Variants in UBE2Q1 observed in about 807,000 individuals in gnomAD.
UBE2Q1 encodes ubiquitin-conjugating enzyme E2 Q1.
UBE2Q1 carries 6 observed loss-of-function variants against 60.1 expected under a neutral mutation model. The observed-to-expected ratio is 0.10, with a 90% CI of 0.05 to 0.20. The LOEUF is 0.20. Among genes scored for constraint, UBE2Q1 ranks in the 10% least tolerant of loss-of-function variants. The pLI is 1.00. For missense variants in UBE2Q1, 262 were observed against 525.8 expected, an observed-to-expected ratio of 0.50 and a Z score of 4.91; for synonymous variants, 226 against 208.3, an observed-to-expected ratio of 1.09 and a Z score of -0.73.
At chr1:154,554,034 A>G (rs973626479) in intron 4 of UBE2Q1, among the ~76,000 whole-genome samples, 3 of 152,236 alleles carry the variant, frequency 2.0e-5, no homozygotes, top group African/African-American at 7.2e-5. Flanking sequence ...TTACCACACC[A>G]GCAGGTAATG....
In UBE2Q1 at chr1:154,555,607, G is replaced by A. The variant is rs1266092934; in HGVS notation, c.433-75C>T. The A allele has an allele frequency of 3.5e-6, 5 of 1,424,812 alleles. No homozygotes were observed. In the Admixed American group the frequency reaches 5.1e-5, roughly 14 times the overall value. The allele number at this position is 1,424,812 out of a possible 1,614,324, so 88.3% of individuals were successfully genotyped here. A position where few individuals can be genotyped will look rare whatever the true frequency, so the allele number is the denominator to read the frequency against. On this transcript the variant is annotated intron_variant, in intron 2 of 12. Coordinates refer to ENST00000292211, the MANE Select transcript of UBE2Q1 (RefSeq NM_017582.7). ...GGATAAGTGCATGGATGAGCTCTTA[G>A]TTTGGGCCCCACACCAATAACTAGT... is the stretch of plus-strand genomic sequence containing the variant.
In UBE2Q1 at chr1:154,558,308, CCCGGCCCCT is replaced by C. The variant is rs1383589476; in HGVS notation, c.237_245del (p.Gly80_Gly82del). 2.8e-5 allele frequency: 45 copies of C among 1,581,266 alleles called. No homozygotes were observed. The highest frequency in any genetic ancestry group is 3.9e-5 in the Non-Finnish European group (45 of 1,167,424). On this transcript the variant is annotated inframe_deletion, in exon 1 of 13. Transcript: ENST00000292211. ...GATGCGGTCCGGGCGCGGCCCCCGCCCCGGCCCCTCCGGCCCCAGCCAGCAGGAACTCGC... is the reference window on the plus strand; with the variant it reads ...GATGCGGTCCGGGCGCGGCCCCCGCCCCGGCCCCAGCCAGCAGGAACTCGC...
chr1:154,549,505 T>C lies in UBE2Q1; in HGVS notation c.*933A>G, dbSNP rs1695754937. The C allele has an allele frequency of 6.5e-6, 1 of 152,676 alleles. No individual in the cohort carries two copies. Among genetic ancestry groups the C allele is most frequent in the African/African-American group, 2.4e-5 (1 of 41,452 alleles). 9.5% of individuals were successfully genotyped at this position (152,676 alleles called of 1,614,324 possible). On this transcript the variant is annotated 3_prime_UTR_variant, in exon 13 of 13. Coordinates refer to ENST00000292211, the MANE Select transcript of UBE2Q1 (RefSeq NM_017582.7). ...ATCCAGTGCTGGTTAGAAGCCACTT[T>C]CCAGGAGAGGAACCAATGAACAGCG...
chr1:154,554,693 G>T, intron 4 of UBE2Q1, 42 bp downstream of exon 4: 1 of 1,605,462 alleles, frequency 6.2e-7, no homozygotes, highest in Non-Finnish European at 8.5e-7. Flanking sequence ...GTTGCTGACT[G>T]CAAGAGCTTC....
rs140742801 is a variant in UBE2Q1, at chr1:154,552,910, G to A, written c.730-90C>T. The A allele has an allele frequency of 2.1e-3, 3,389 of 1,588,648 alleles. 17 individuals carry two copies. The highest frequency in any genetic ancestry group is 5.6e-3 in the South Asian group (497 of 88,200). On this transcript the variant is annotated intron_variant, in intron 5 of 12. Coordinates refer to ENST00000292211, the MANE Select transcript of UBE2Q1 (RefSeq NM_017582.7). Reference sequence around the variant, plus strand: ...AGGGGCAGTCTGGCAGCTTGCCCAGGATTTAAGAAAGGATTAGGCACAAAA... The same window carrying A: ...AGGGGCAGTCTGGCAGCTTGCCCAGAATTTAAGAAAGGATTAGGCACAAAA...
rs1226768476 is a variant in UBE2Q1 at position 154,554,779 on chromosome 1, G to C, written c.544C>G (p.Gln182Glu). 6.2e-7 allele frequency: 1 copy of C among 1,613,582 alleles called. No homozygotes were observed. Among genetic ancestry groups the C allele is most frequent in the Non-Finnish European group, 8.5e-7 (1 of 1,179,652 alleles). ...TCATCTTCTGAAGACACGTCTTCCT[G>C]TGTGCACTGCAGCAAGGAAGGGAAA... ...DQPLPAEQCTQEDVSSEDEDE... is the reference protein window; with the variant it reads ...DQPLPAEQCTEEDVSSEDEDE... The change falls in exon 4 of 13, where the codon CAG becomes GAG. Residue 182 changes from glutamine to glutamate, a missense_variant. Physicochemically the swap from Gln to Glu is conservative, Grantham distance 29. Transcript: ENST00000292211.
Position 154,553,167 on chromosome 1 carries a change from T to A in UBE2Q1, c.594A>T (p.Thr198=), listed in dbSNP as rs1695821158. The A allele has an allele frequency of 6.2e-7, 1 of 1,612,552 alleles. No homozygotes were observed. Among genetic ancestry groups the A allele is most frequent in the Non-Finnish European group, 8.5e-7 (1 of 1,179,924 alleles). The change falls in exon 5 of 13, where the codon ACA becomes ACT. Residue 198 remains threonine (T), a synonymous_variant. Coordinates refer to ENST00000292211, the MANE Select transcript of UBE2Q1 (RefSeq NM_017582.7). ...EDEDEEMPED[T]EDLDHYEMKE... is the part of the protein sequence containing the mutation. ...TCATTTCATAGTGATCTAAGTCTTC[T>A]GTGTCCTGGAGGAGGTGTGGGGTGG...
Position 154,555,543 on chromosome 1 carries a change from G to A in UBE2Q1, c.433-11C>T, listed in dbSNP as rs1315787857. 3.7e-6 allele frequency: 6 copies of A among 1,610,710 alleles called. No individual in the cohort carries two copies. In the Admixed American group the frequency reaches 8.3e-5, roughly 22 times the overall value. ...CAGATGCTGCAATAGCTACAGGTAG[G>A]GGAGCACAGAGACATCAAATCCTTC... On this transcript the variant is annotated splice_polypyrimidine_tract_variant and intron_variant, in intron 2 of 12. Coordinates refer to ENST00000292211, the MANE Select transcript of UBE2Q1 (RefSeq NM_017582.7).
In UBE2Q1 at chr1:154,550,159, G is replaced by A. The variant is rs529237726; in HGVS notation, c.*279C>T. The A allele has an allele frequency of 2.2e-6, 1 of 445,546 alleles. No individual in the cohort carries two copies. The allele number at this position is 445,546 out of a possible 1,614,324, so 27.6% of individuals were successfully genotyped here. ...ACAGCTGAGTTTCCAGCAATATAAG[G>A]AGGCTCGAAAGTTTCTTTTATAAGA... On this transcript the variant is annotated 3_prime_UTR_variant, in exon 13 of 13. Transcript: ENST00000292211.
At chr1:154,550,780 GC>G in intron 12 of UBE2Q1, 157 bp downstream of exon 12, 2 of 985,394 alleles carry the variant, frequency 2.0e-6, no homozygotes, top group Non-Finnish European at 1.2e-6. Context: ...GTGAATGTTA[GC>G]CACCGCCAGT....
At position 154,549,312 on chromosome 1, in the gene UBE2Q1, A is replaced by C. The variant is rs1327262120; in HGVS notation, c.*1126T>G. 6.6e-6 allele frequency: 1 copy of C among 151,980 alleles called. No individual in the cohort carries two copies. The highest frequency in any genetic ancestry group is 1.5e-5 in the Non-Finnish European group (1 of 68,004). The allele number at this position is 151,980 out of a possible 1,614,324, so 9.4% of individuals were successfully genotyped here. ...GGTAAGGACACAGGTGTATAGAACA[A>C]CCCCCCTTAAAATGCTAACCCTTTC... On this transcript the variant is annotated 3_prime_UTR_variant, in exon 13 of 13. Transcript: ENST00000292211.
chr1:154,551,318 A>C lies in UBE2Q1; in HGVS notation c.1170+79T>G, dbSNP rs1413212613. ...GGCCTTATGCTCATTCCTCTAAAGA[A>C]GGCAGCCTTGGCCTGCTAGTGGCCC... is the stretch of plus-strand genomic sequence containing the variant. On this transcript the variant is annotated intron_variant, in intron 11 of 12. Coordinates refer to ENST00000292211, the MANE Select transcript of UBE2Q1 (RefSeq NM_017582.7). 18 of 1,462,520 alleles carry C rather than the reference A, an allele frequency of 1.2e-5. No individual in the cohort carries two copies. In the East Asian group the frequency reaches 1.8e-4, roughly 15 times the overall value. The allele number at this position is 1,462,520 out of a possible 1,614,324, so 90.6% of individuals were successfully genotyped here.
In UBE2Q1 at chr1:154,555,530, T is replaced by A. The variant is rs750380450; in HGVS notation, c.435A>T (p.Leu145=). The change falls in exon 3 of 13, where the codon CTA becomes CTT. Residue 145 remains leucine, a splice_region_variant and synonymous_variant. Transcript: ENST00000292211. The stretch of plus-strand genomic sequence containing the variant: ...AGATGATCCTCTTCAGATGCTGCAA[T>A]AGCTACAGGTAGGGGAGCACAGAGA... ...LVDIKKGNTL[L]LQHLKRIISD... is the part of the protein sequence containing the mutation. 3 of 1,613,634 alleles carry A rather than the reference T, an allele frequency of 1.9e-6. No individual in the cohort carries two copies. The South Asian group carries it at 3.3e-5, about 18-fold the overall frequency.
intron 4 of UBE2Q1, among the ~76,000 whole-genome samples, 191 bp from the exon 5 acceptor site, chr1:154,553,363 T>C (rs1695825777): frequency 6.6e-6 from 1 of 152,204 alleles, no homozygotes; most frequent in South Asian, 2.1e-4. Flanking sequence ...CCCTCCACAG[T>C]CTAAATCTTC....
chr1:154,557,678 G>A (rs1464641409), intron 1 of UBE2Q1, among the ~76,000 whole-genome samples: 1 of 152,100 alleles, frequency 6.6e-6, no homozygotes, highest in Non-Finnish European at 1.5e-5. Flanking sequence ...AGAAGGAAGA[G>A]GAGTCAATGA....
intron 11 of UBE2Q1, 157 bp downstream of exon 11, chr1:154,551,240 G>A: frequency 1.1e-6 from 1 of 870,462 alleles, no homozygotes. Flanking sequence ...CCAAGGCACA[G>A]TTGTTCCATT....
intron 2 of UBE2Q1, 24 bp downstream of exon 2, chr1:154,555,836 A>T (rs1571010692): frequency 1.2e-6 from 2 of 1,604,626 alleles, no homozygotes; most frequent in Non-Finnish European, 1.7e-6. Context: ...AACAAAATGT[A>T]CCCCTACCCT....
intron 3 of UBE2Q1, 49 bp downstream of exon 3, chr1:154,555,379 C>G: frequency 6.6e-7 from 1 of 1,503,878 alleles, no homozygotes. Context: ...ACTGAGTACC[C>G]TGTGGGGCAA....
intron 4 of UBE2Q1, among the ~76,000 whole-genome samples, 194 bp from the exon 5 acceptor site, chr1:154,553,366 A>C (rs1695825824): frequency 6.6e-6 from 1 of 152,224 alleles, no homozygotes; most frequent in Non-Finnish European, 1.5e-5. Flanking sequence ...TCCACAGTCT[A>C]AATCTTCAGC....
Sources: allele counts gnomAD v4.1 joint callset (sites outside exome capture counted in the v4.1 genomes callset), GRCh38; gene constraint gnomAD v4.1.1; transcripts MANE v1.5; gene names NCBI Gene and HGNC (gene_info 2026-07-23, HGNC 2026-07-21).